CCDC12: variants seen among roughly 807,000 people sequenced by gnomAD.
The protein encoded by CCDC12 is coiled-coil domain containing 12.
A neutral mutation model predicts 25.7 loss-of-function variants in CCDC12; 28 were observed. That is an observed-to-expected ratio of 1.09 (90% CI 0.81 to 1.50). The LOEUF (loss-of-function observed/expected upper bound fraction) is 1.50, where lower values mean the gene tolerates loss of function less well. Ranked by LOEUF, CCDC12 falls within the 40% of genes most tolerant of loss-of-function variation. CCDC12 has a pLI of 0.00. For missense variants in CCDC12, 198 were observed against 210.0 expected (o/e 0.94, Z 0.35); for synonymous variants, 75 against 87.7 (o/e 0.86, Z 0.81).
intron 2 of CCDC12, among the ~76,000 whole-genome samples, chr3:46,938,138 G>A (rs965184749): frequency 7.2e-5 from 11 of 152,180 alleles, no homozygotes; most frequent in African/African-American, 2.4e-4. Context: ...AGAATATGAT[G>A]AGCTGAAGCA....
chr3:46,957,960 TACACACACACAC>T (rs367926661), intron 1 of CCDC12, among the ~76,000 whole-genome samples: 9 of 64,770 alleles, frequency 1.4e-4, no homozygotes, highest in South Asian at 1.4e-3. Flanking sequence ...AAAAAATAAA[TACACACACACAC>T]ACACACACAC....
intron 2 of CCDC12, among the ~76,000 whole-genome samples, chr3:46,937,643 A>G (rs1232593246): frequency 6.6e-6 from 1 of 152,202 alleles, no homozygotes; most frequent in Non-Finnish European, 1.5e-5. Flanking sequence ...CTCCCAATCC[A>G]TAAGCATCCT....
intron 1 of CCDC12, among the ~76,000 whole-genome samples, chr3:46,944,153 G>C (rs7621530): frequency 0.95 from 144,417 of 152,206 alleles, 69,022 homozygotes; most frequent in East Asian, 1. Flanking sequence ...CTCAGTTTAA[G>C]CCATGGGAAA....
chr3:46,929,766 C>T (rs923594965), intron 2 of CCDC12, among the ~76,000 whole-genome samples: 5 of 150,984 alleles, frequency 3.3e-5, no homozygotes, highest in African/African-American at 1.2e-4. Flanking sequence ...GTGGCTCACA[C>T]CTGTAATTCC....
Position 46,976,420 on chromosome 3 carries a change from C to G in CCDC12, c.96+217G>C, listed in dbSNP as rs1372732429. 4.2e-6 allele frequency: 6 copies of G among 1,420,930 alleles called. No homozygotes were observed. In the Admixed American group the frequency reaches 8.8e-5, roughly 21 times the overall value. The allele number at this position is 1,420,930 out of a possible 1,614,324, so 88.0% of individuals were successfully genotyped here. ...CGCTGACCACTGCCTTGCCCACCCC[C>G]GCGCATGCGCGACGACCGCACCAGC... On this transcript the variant is annotated intron_variant, in intron 1 of 6. Transcript: ENST00000683445.
chr3:46,939,825 C>A (rs905600943), intron 2 of CCDC12, among the ~76,000 whole-genome samples: 1 of 152,128 alleles, frequency 6.6e-6, no homozygotes, highest in Non-Finnish European at 1.5e-5. Flanking sequence ...AGATGAGGCC[C>A]GCATGTGGGG....
upstream of CCDC12, among the ~76,000 whole-genome samples, chr3:46,980,313 A>T (rs1180723952): frequency 1.3e-5 from 2 of 152,112 alleles, no homozygotes; most frequent in Non-Finnish European, 2.9e-5. Context: ...CAATTTGTCT[A>T]TGAGCTGCCT....
chr3:46,943,932 G>A (rs1326800049), intron 1 of CCDC12, among the ~76,000 whole-genome samples: 2 of 152,202 alleles, frequency 1.3e-5, no homozygotes, highest in African/African-American at 2.4e-5. Context: ...GTGTACCTCA[G>A]CCTTCCTGAC....
intron 1 of CCDC12, among the ~76,000 whole-genome samples, chr3:46,944,999 C>T (rs1191753187): frequency 2.0e-5 from 3 of 152,216 alleles, no homozygotes; most frequent in Non-Finnish European, 4.4e-5. Context: ...CTGGCCAGTC[C>T]TAAAGGCCAG....
intron 2 of CCDC12, among the ~76,000 whole-genome samples, chr3:46,936,305 TCCC>T (rs2107126439): frequency 1.3e-5 from 2 of 152,296 alleles, no homozygotes; most frequent in Admixed American, 1.3e-4. Flanking sequence ...GCCTCACATT[TCCC>T]CCAACTGTTG....
chr3:46,968,781 A>G (rs968897611), intron 1 of CCDC12, among the ~76,000 whole-genome samples: 3 of 152,152 alleles, frequency 2.0e-5, no homozygotes, highest in Admixed American at 6.5e-5. Flanking sequence ...AGAGGTGTAG[A>G]GGGATAGAAG....
At chr3:46,955,019 C>A (rs927930965) in intron 1 of CCDC12, among the ~76,000 whole-genome samples, 2 of 152,220 alleles carry the variant, frequency 1.3e-5, no homozygotes, top group African/African-American at 4.8e-5. Context: ...TTATTCAAAG[C>A]CTGTGACCAA....
chr3:46,937,759 C>T (rs979768902), intron 2 of CCDC12, among the ~76,000 whole-genome samples: 1 of 152,166 alleles, frequency 6.6e-6, no homozygotes, highest in Non-Finnish European at 1.5e-5. Context: ...TCCATCATCC[C>T]CAATCCCTGG....
At chr3:46,980,554 A>G (rs1007279669), upstream of CCDC12, among the ~76,000 whole-genome samples, 1 of 151,598 alleles carries the variant, frequency 6.6e-6, no homozygotes, top group East Asian at 2.0e-4. Flanking sequence ...GGAGCAGAAG[A>G]AAAGGTTTTC....
upstream of CCDC12, chr3:46,979,795 A>T: frequency 5.2e-6 from 2 of 385,722 alleles, no homozygotes; most frequent in Admixed American, 4.7e-5. Context: ...GGCCGAGGGC[A>T]ACCGGCGGGC....
chr3:46,977,644 G>A (rs1041754222), upstream of CCDC12, among the ~76,000 whole-genome samples: 2 of 152,180 alleles, frequency 1.3e-5, no homozygotes, highest in African/African-American at 4.8e-5. Flanking sequence ...TGCACAGTGA[G>A]GGGGACCTGA....
At chr3:46,975,143 T>C (rs1237680935) in intron 1 of CCDC12, among the ~76,000 whole-genome samples, 1 of 151,998 alleles carries the variant, frequency 6.6e-6, no homozygotes, top group Admixed American at 6.5e-5. Context: ...AATAGGCTAG[T>C]AGGCCCATCC....
At chr3:46,974,658 A>G (rs561494973) in intron 1 of CCDC12, among the ~76,000 whole-genome samples, 2 of 152,260 alleles carry the variant, frequency 1.3e-5, no homozygotes, top group South Asian at 2.1e-4. Context: ...TCACTTTCAC[A>G]CAGGACCCCC....
At chr3:46,925,091 G>T in intron 3 of CCDC12, 1 of 397,554 alleles carries the variant, frequency 2.5e-6, no homozygotes, top group South Asian at 2.0e-5. Context: ...ACCCACCCAG[G>T]GCCCACAGGA....
Sources: allele counts gnomAD v4.1 joint callset (sites outside exome capture counted in the v4.1 genomes callset), GRCh38; gene constraint gnomAD v4.1.1; transcripts MANE v1.5; gene names NCBI Gene and HGNC (gene_info 2026-07-23, HGNC 2026-07-21).